ELMO1: variants seen among roughly 807,000 people sequenced by gnomAD.
ELMO1 encodes the protein engulfment and cell motility protein 1.
Under a neutral mutation model 98.9 loss-of-function variants are expected in ELMO1, and 26 were observed. That is an observed-to-expected ratio of 0.26 (90% CI 0.19 to 0.36). The LOEUF is 0.36. Ranked by LOEUF, ELMO1 falls within the 10% of genes least tolerant of loss-of-function variation. The pLI is 1.00. For synonymous variants in ELMO1, 346 were observed against 346.0 expected (o/e 1.00, Z 0.00); for missense variants, 627 against 935.2 (o/e 0.67, Z 4.30).
At chr7:37,305,640 T>C (rs1482469974) in intron 4 of ELMO1, among the ~76,000 whole-genome samples, 1 of 152,252 alleles carries the variant, frequency 6.6e-6, no homozygotes, top group Admixed American at 6.5e-5. Context: ...CTTCTGGTAA[T>C]TGAATTAACC....
intron 13 of ELMO1, among the ~76,000 whole-genome samples, chr7:37,148,653 A>C (rs183885641): frequency 6.6e-6 from 1 of 152,344 alleles, no homozygotes; most frequent in African/African-American, 2.4e-5. Flanking sequence ...AAAAGTCTTT[A>C]TGAATAATGA....
intron 16 of ELMO1, among the ~76,000 whole-genome samples, chr7:36,912,125 G>A (rs781205582): frequency 2.6e-5 from 4 of 152,170 alleles, no homozygotes; most frequent in South Asian, 2.1e-4. Flanking sequence ...CTTCTAATGC[G>A]GTGAAGCTTG....
At chr7:37,097,856 A>G (rs546983034) in intron 14 of ELMO1, among the ~76,000 whole-genome samples, 47 of 152,168 alleles carry the variant, frequency 3.1e-4, no homozygotes, top group Non-Finnish European at 5.9e-4. Context: ...TAGCACAACT[A>G]CTTCCCTGTC....
chr7:36,856,979 G>A (rs1010672978), intron 21 of ELMO1, among the ~76,000 whole-genome samples: 6 of 152,144 alleles, frequency 3.9e-5, no homozygotes, highest in African/African-American at 1.2e-4. Flanking sequence ...AGATCTCAAC[G>A]TAAAAGTAAC....
Position 36,894,860 on chromosome 7 carries a change from G to T in ELMO1, c.1595C>A (p.Pro532Gln), listed in dbSNP as rs1029574627. ...TCAATACTAGGTAACTTACAAAATC[G>T]GGCGGGACTGGAAATCTTCCTGGTT... ...RMNQEDFQSR[P>Q]ILELKEKIQP... The change falls in exon 17 of 22, where the codon CCG becomes CAG. Residue 532 changes from proline (P) to glutamine (Q), a missense_variant. Pro to Gln is a moderately conservative substitution (Grantham distance 76). This residue lies in a region of ELMO1 where 492 missense variants were observed against 715.6 expected (regional missense o/e 0.69). Transcript: ENST00000310758. The T allele has an allele frequency of 6.2e-7, 1 of 1,614,114 alleles. No homozygotes were observed. Among genetic ancestry groups the T allele is most frequent in the Non-Finnish European group, 8.5e-7 (1 of 1,179,982 alleles).
chr7:37,355,013 C>T (rs1245597901), intron 1 of ELMO1, among the ~76,000 whole-genome samples: 1 of 152,204 alleles, frequency 6.6e-6, no homozygotes, highest in Non-Finnish European at 1.5e-5. Context: ...TGACAACCCT[C>T]GTACACAGAA....
chr7:37,313,993 T>C (rs1304212832), intron 4 of ELMO1, among the ~76,000 whole-genome samples: 1 of 152,200 alleles, frequency 6.6e-6, no homozygotes, highest in African/African-American at 2.4e-5. Flanking sequence ...AACTGGCTCA[T>C]ATGCATTTCA....
At chr7:37,429,118 G>A (rs1404915796) in intron 1 of ELMO1, 5 of 152,206 alleles carry the variant, frequency 3.3e-5, no homozygotes, top group African/African-American at 7.2e-5. Context: ...ATTTTGGAAG[G>A]ATTTGCAAAA....
At chr7:37,385,742 G>A (rs115636203) in intron 1 of ELMO1, among the ~76,000 whole-genome samples, 166 of 152,380 alleles carry the variant, frequency 1.1e-3, no homozygotes, top group African/African-American at 3.8e-3. Flanking sequence ...GAACAGCTGA[G>A]CGAGCGCTAG....
At chr7:36,871,608 T>C (rs924801573) in intron 19 of ELMO1, among the ~76,000 whole-genome samples, 1 of 152,182 alleles carries the variant, frequency 6.6e-6, no homozygotes, top group Non-Finnish European at 1.5e-5. Flanking sequence ...TTAGACTCTC[T>C]TAATGATGAA....
chr7:37,430,531 C>T (rs1422437765), intron 1 of ELMO1, among the ~76,000 whole-genome samples: 2 of 152,252 alleles, frequency 1.3e-5, no homozygotes, highest in Non-Finnish European at 2.9e-5. Flanking sequence ...AACTGCGATA[C>T]TGGAAAACAC....
intron 16 of ELMO1, among the ~76,000 whole-genome samples, chr7:36,953,842 TGTGTGTGTGTG>T (rs1562852428): frequency 4.6e-4 from 2 of 4,382 alleles, no homozygotes; most frequent in Non-Finnish European, 7.2e-4. Flanking sequence ...GTATGTTTTG[TGTGTGTGTGTG>T]TGTGTGTGTG....
chr7:37,247,441 G>A (rs1338917574), intron 6 of ELMO1, among the ~76,000 whole-genome samples: 3 of 152,080 alleles, frequency 2.0e-5, no homozygotes, highest in East Asian at 3.8e-4. Flanking sequence ...CAGACAATTC[G>A]ATTCTTGGAG....
chr7:37,232,067 G>C (rs948675406), intron 8 of ELMO1, among the ~76,000 whole-genome samples: 4 of 152,030 alleles, frequency 2.6e-5, no homozygotes, highest in Non-Finnish European at 4.4e-5. Flanking sequence ...TGGTCAAGCT[G>C]GTCTTGAACT....
intron 4 of ELMO1, among the ~76,000 whole-genome samples, chr7:37,306,797 A>C (rs1476488813): frequency 6.6e-6 from 1 of 152,206 alleles, no homozygotes; most frequent in Non-Finnish European, 1.5e-5. Flanking sequence ...TGCATTGTAC[A>C]CTTTACATGG....
At chr7:36,887,068 A>G (rs570977343) in intron 18 of ELMO1, among the ~76,000 whole-genome samples, 51 of 152,270 alleles carry the variant, frequency 3.3e-4, no homozygotes, top group Admixed American at 8.5e-4. Context: ...TGGAGTTTGA[A>G]TCCTTGCTCT....
chr7:36,856,123 G>A (rs1030606505), intron 21 of ELMO1, among the ~76,000 whole-genome samples: 4 of 152,180 alleles, frequency 2.6e-5, no homozygotes, highest in African/African-American at 9.7e-5. Context: ...TGACTTTTAG[G>A]TACTGGTGGA....
intron 14 of ELMO1, among the ~76,000 whole-genome samples, chr7:37,118,801 G>T (rs917090223): frequency 2.0e-5 from 3 of 152,162 alleles, no homozygotes; most frequent in African/African-American, 7.2e-5. Flanking sequence ...AGTTAATTGG[G>T]GAGGGAGTGT....
At chr7:37,046,890 C>A (rs1016847172) in intron 15 of ELMO1, among the ~76,000 whole-genome samples, 1 of 152,188 alleles carries the variant, frequency 6.6e-6, no homozygotes, top group African/African-American at 2.4e-5. Flanking sequence ...AAATCCTTTT[C>A]AAGCTTGTGA....
Sources: gnomAD v4.1 joint callset for allele counts (sites outside exome capture counted in the v4.1 genomes callset) on GRCh38, gnomAD v4.1.1 for gene constraint, gnomAD v4.1.1 regional missense constraint, MANE v1.5 for transcripts, NCBI Gene and HGNC (gene_info 2026-07-23, HGNC 2026-07-21) for gene names.